The following LNX2 variants were observed in gnomAD, a reference collection of about 807,000 sequenced individuals.
LNX2 encodes ligand of Numb protein X 2.
In LNX2, 35 loss-of-function variants were observed where a neutral mutation model predicts 66.2. That is an observed-to-expected ratio of 0.53 (90% CI 0.40 to 0.70). The LOEUF (loss-of-function observed/expected upper bound fraction) is 0.70. Ranked by LOEUF, LNX2 falls within the 30% of genes least tolerant of loss-of-function variation. The pLI is 0.00. For missense variants in LNX2, 791 were observed against 850.8 expected (o/e 0.93, Z 0.87); for synonymous variants, 337 against 315.6 (o/e 1.07, Z -0.72).
chr13:27,592,968 G>A (rs923686701), intron 1 of LNX2, among the ~76,000 whole-genome samples: 2 of 152,176 alleles, frequency 1.3e-5, no homozygotes, highest in African/African-American at 4.8e-5. Flanking sequence ...AGTGAGAATT[G>A]GAAGGAAGGA....
chr13:27,562,368 G>A, intron 5 of LNX2, 45 bp downstream of exon 5: 1 of 1,562,372 alleles, frequency 6.4e-7, no homozygotes, highest in South Asian at 1.2e-5. Context: ...ACTACTATAT[G>A]ATCATTTCGG....
chr13:27,602,133 C>CT lies in LNX2; in HGVS notation c.-101+18241dup, dbSNP rs879661069. On this transcript the variant is annotated intron_variant, in intron 1 of 9. Coordinates refer to ENST00000316334, the MANE Select transcript of LNX2 (RefSeq NM_153371.4). ...TTAAATACAAAAAAAATGTGCAAAA[C>CT]TTTTTTTTTTTAAGACTGCATTTCG... Among the ~76,000 whole-genome samples the CT allele has an allele frequency of 1.9e-3, 274 of 147,334 alleles. 1 individual carries two copies. The highest frequency in any genetic ancestry group is 6.0e-3 in the African/African-American group (240 of 40,306).
At chr13:27,594,425 A>G (rs1955575167) in intron 1 of LNX2, among the ~76,000 whole-genome samples, 1 of 152,134 alleles carries the variant, frequency 6.6e-6, no homozygotes, top group South Asian at 2.1e-4. Context: ...AGATGCTGTC[A>G]ATTTTCATGT....
At chr13:27,566,041 C>T (rs1955201614) in intron 4 of LNX2, among the ~76,000 whole-genome samples, 1 of 152,218 alleles carries the variant, frequency 6.6e-6, no homozygotes, top group Admixed American at 6.5e-5. Context: ...GCACTTACTA[C>T]AAGCTATGAG....
At position 27,562,664 on chromosome 13, in the gene LNX2, G is replaced by T. The variant is rs1204202744; in HGVS notation, c.973C>A (p.His325Asn). 1 of 1,614,182 alleles carries T rather than the reference G, an allele frequency of 6.2e-7. No individual in the cohort carries two copies. The highest frequency in any genetic ancestry group is 1.7e-5 in the Admixed American group (1 of 60,024). Residue 325 changes from histidine to asparagine, a missense_variant, in exon 5 of 10, where the codon CAC (histidine) becomes AAC (asparagine). Transcript: ENST00000316334. Reference sequence around the variant, plus strand: ...GGAGAGTTACTATCAGAATGGTTGTGTGCTCGGTTGCCAAAGCGCCTCTCT... The same window carrying T: ...GGAGAGTTACTATCAGAATGGTTGTTTGCTCGGTTGCCAAAGCGCCTCTCT... ...LRERRFGNRA[H>N]NHSDSNSPRE...
chr13:27,594,339 C>T (rs1271147128), intron 1 of LNX2, among the ~76,000 whole-genome samples: 1 of 151,812 alleles, frequency 6.6e-6, no homozygotes, highest in African/African-American at 2.4e-5. Flanking sequence ...CATATTAAGA[C>T]AGCAACCCTT....
At chr13:27,565,733 C>CT (rs1417453098) in intron 4 of LNX2, among the ~76,000 whole-genome samples, 1 of 152,164 alleles carries the variant, frequency 6.6e-6, no homozygotes, top group African/African-American at 2.4e-5. Flanking sequence ...AAAGCTCAGT[C>CT]TGTCTCAGCC....
intron 4 of LNX2, among the ~76,000 whole-genome samples, chr13:27,565,442 C>T (rs1955192623): frequency 6.6e-6 from 1 of 152,138 alleles, no homozygotes; most frequent in Admixed American, 6.5e-5. Context: ...CTGGTCCTGA[C>T]CACCAAAGTG....
In LNX2 at chr13:27,583,248, GT is replaced by G. The variant is rs1178727633; in HGVS notation, c.-100-1446del. ...TGTGTGTGTGTGTGTGTGTGTGTGT[GT>G]GTGTGTGCGCGCGTCCTCTCCAACA... On this transcript the variant is annotated intron_variant, in intron 1 of 9. Transcript: ENST00000316334. Among the ~76,000 whole-genome samples the G allele has an allele frequency of 1.5e-4, 7 of 47,690 alleles. 3 individuals carry two copies. Among genetic ancestry groups the G allele is most frequent in the Admixed American group, 9.7e-4 (4 of 4,122 alleles). The allele number at this position is 47,690 out of a possible 152,430, so 31.3% of individuals were successfully genotyped here. A position where few individuals can be genotyped will look rare whatever the true frequency, so the allele number is the denominator to read the frequency against.
rs1555268535 is a variant in LNX2, at chr13:27,583,261, C to CAT, written c.-100-1459_-100-1458insAT. ...GTGTGTGTGTGTGTGTGTGTGCGCG[C>CAT]GTCCTCTCCAACATACTTATTTTTA... is the stretch of plus-strand genomic sequence containing the variant. On this transcript the variant is annotated intron_variant, in intron 1 of 9. Coordinates refer to ENST00000316334, the MANE Select transcript of LNX2 (RefSeq NM_153371.4). 4.4e-5 allele frequency among the ~76,000 whole-genome samples: 2 copies of CAT among 45,480 alleles called. 1 individual carries two copies. The highest frequency in any genetic ancestry group is 1.7e-4 in the African/African-American group (2 of 11,766). The allele number at this position is 45,480 out of a possible 152,430, so 29.8% of individuals were successfully genotyped here.
chr13:27,583,216 G>C (rs1191001726), intron 1 of LNX2, among the ~76,000 whole-genome samples: 195 of 17,726 alleles, frequency 0.011, 31 homozygotes, highest in Non-Finnish European at 0.014. Flanking sequence ...GTGTGTGTGT[G>C]TGTGTGTGTG....
intron 1 of LNX2, among the ~76,000 whole-genome samples, chr13:27,619,828 CT>C (rs1354445377): frequency 6.6e-6 from 1 of 152,176 alleles, no homozygotes; most frequent in Admixed American, 6.5e-5. Flanking sequence ...AAATTACCCC[CT>C]GGAAGATGTC....
At position 27,547,554 on chromosome 13, in the gene LNX2, G is replaced by T. The variant is rs1256060799; in HGVS notation, c.*781C>A. The T allele has an allele frequency of 6.6e-6, 1 of 152,070 alleles. No homozygotes were observed. 9.4% of individuals were successfully genotyped at this position (152,070 alleles called of 1,614,324 possible). ...AACAGTATGAAGTTTTGAAATGTTG[G>T]CACCAATAAAAAATGGGAACGGCCG... On this transcript the variant is annotated 3_prime_UTR_variant, in exon 10 of 10. Coordinates refer to ENST00000316334, the MANE Select transcript of LNX2 (RefSeq NM_153371.4).
intron 1 of LNX2, among the ~76,000 whole-genome samples, chr13:27,594,438 T>G (rs1955575239): frequency 6.6e-6 from 1 of 152,178 alleles, no homozygotes; most frequent in Non-Finnish European, 1.5e-5. Flanking sequence ...TTTCATGTAA[T>G]TGAATACACT....
chr13:27,555,186 C>T (rs531190140), intron 7 of LNX2, among the ~76,000 whole-genome samples: 28 of 152,224 alleles, frequency 1.8e-4, no homozygotes, highest in African/African-American at 5.3e-4. Flanking sequence ...TGGGCTCAAG[C>T]GATCCACCTG....
At chr13:27,584,615 C>CT (rs557541461) in intron 1 of LNX2, among the ~76,000 whole-genome samples, 65 of 151,610 alleles carry the variant, frequency 4.3e-4, no homozygotes, top group African/African-American at 1.3e-3. Context: ...GAGCCCAGGA[C>CT]TTTGAGGCTG....
At chr13:27,616,802 C>T (rs1039726706) in intron 1 of LNX2, among the ~76,000 whole-genome samples, 6 of 152,172 alleles carry the variant, frequency 3.9e-5, no homozygotes, top group African/African-American at 1.4e-4. Flanking sequence ...CAGGCTGGAG[C>T]GCAGTGGCGC....
At position 27,562,443 on chromosome 13, in the gene LNX2, T is replaced by A. The variant is rs149257331; in HGVS notation, c.1194A>T (p.Gly398=). The A allele has an allele frequency of 2.5e-6, 4 of 1,613,934 alleles. No homozygotes were observed. The African/African-American group carries it at 5.3e-5, about 22-fold the overall frequency. ...LAINGHDLKY[G]TPELAAQIIQ... is the part of the protein sequence containing the mutation. ...TAATCTGGGCAGCAAGCTCCGGAGTTCCATACTTCAGGTCGTGCCCATTGA... is the reference window on the plus strand; with the variant it reads ...TAATCTGGGCAGCAAGCTCCGGAGTACCATACTTCAGGTCGTGCCCATTGA... Residue 398 remains glycine (G), a synonymous_variant, in exon 5 of 10, where the codon GGA becomes GGT. Transcript: ENST00000316334.
intron 1 of LNX2, among the ~76,000 whole-genome samples, chr13:27,582,922 G>A (rs577177604): frequency 3.4e-4 from 52 of 152,056 alleles, no homozygotes; most frequent in Non-Finnish European, 6.3e-4. Context: ...CAGCACTATG[G>A]GAAAAATGAA....
Sources: allele counts gnomAD v4.1 joint callset (sites outside exome capture counted in the v4.1 genomes callset), GRCh38; gene constraint gnomAD v4.1.1; transcripts MANE v1.5; gene names NCBI Gene and HGNC (gene_info 2026-07-23, HGNC 2026-07-21).